The following LRRC4C variants were observed in gnomAD, a reference collection of about 807,000 sequenced individuals.
LRRC4C encodes the protein leucine rich repeat containing 4C, also known as leucine-rich repeat-containing protein 4C.
Under a neutral mutation model 33.6 loss-of-function variants are expected in LRRC4C, and 5 were observed. That is an observed-to-expected ratio of 0.15 (90% confidence interval 0.08 to 0.31). The LOEUF (loss-of-function observed/expected upper bound fraction) is 0.31, where lower values mean the gene tolerates loss of function less well. LRRC4C is among the 10% of genes least tolerant of loss of function. The pLI is 1.00. For missense variants in LRRC4C, 560 were observed against 796.7 expected (o/e 0.70, Z 3.58); for synonymous variants, 329 against 302.0 (o/e 1.09, Z -0.93).
chr11:41,111,746 G>A (rs1941842097), intron 1 of LRRC4C, among the ~76,000 whole-genome samples: 1 of 151,954 alleles, frequency 6.6e-6, no homozygotes, highest in African/African-American at 2.4e-5. Context: ...TAATTTAGAA[G>A]CACAAGTAAA....
At chr11:41,103,430 T>C (rs1382519790) in intron 1 of LRRC4C, among the ~76,000 whole-genome samples, 1 of 151,992 alleles carries the variant, frequency 6.6e-6, no homozygotes, top group African/African-American at 2.4e-5. Flanking sequence ...TATGGATTGA[T>C]ATTATAATAC....
At chr11:40,991,078 A>T (rs1853514512) in intron 1 of LRRC4C, among the ~76,000 whole-genome samples, 1 of 95,674 alleles carries the variant, frequency 1.0e-5, no homozygotes, top group East Asian at 3.9e-4. Flanking sequence ...TGAGTCTATT[A>T]CAAAAAAAAA....
rs148031090 is a variant in LRRC4C, at chr11:41,003,482, T to C, written c.-495-69759A>G. Among the ~76,000 whole-genome samples, 7 of 152,298 alleles carry C rather than the reference T, an allele frequency of 4.6e-5. No homozygotes were observed. In the East Asian group the frequency reaches 1.3e-3, roughly 29 times the overall value. On this transcript the variant is annotated intron_variant, in intron 1 of 6. Coordinates refer to ENST00000528697, the MANE Select transcript of LRRC4C (RefSeq NM_001258419.2). ...TTCACAGATACCTTGGGGAATACGG[T>C]ATGGAGGCTACAACAAGGTTATTTG...
chr11:40,962,356 A>G lies in LRRC4C; in HGVS notation c.-495-28633T>C, dbSNP rs184617351. Reference sequence around the variant, plus strand: ...CTTGGTTTCAGACTTCCGAGCTCCAAAACTGTAAGGCAGTAAATTGGTATT... The same window carrying G: ...CTTGGTTTCAGACTTCCGAGCTCCAGAACTGTAAGGCAGTAAATTGGTATT... On this transcript the variant is annotated intron_variant, in intron 1 of 6. Coordinates refer to ENST00000528697, the MANE Select transcript of LRRC4C (RefSeq NM_001258419.2). Among the ~76,000 whole-genome samples, 38 of 151,792 alleles carry G rather than the reference A, an allele frequency of 2.5e-4. No individual in the cohort carries two copies. In the East Asian group the frequency reaches 4.3e-3, roughly 17 times the overall value.
At chr11:41,318,943 C>A (rs183820703) in intron 1 of LRRC4C, among the ~76,000 whole-genome samples, 264 of 152,296 alleles carry the variant, frequency 1.7e-3, no homozygotes, top group African/African-American at 6.2e-3. Context: ...CTTCAGGGGA[C>A]CAAATTTTAA....
intron 2 of LRRC4C, among the ~76,000 whole-genome samples, chr11:40,813,486 C>T (rs1951578481): frequency 6.6e-6 from 1 of 152,062 alleles, no homozygotes; most frequent in African/African-American, 2.4e-5. Flanking sequence ...CCTGGCTCCA[C>T]CCTTGACATG....
At chr11:41,149,557 TG>T (rs1721390985) in intron 1 of LRRC4C, among the ~76,000 whole-genome samples, 1 of 151,344 alleles carries the variant, frequency 6.6e-6, no homozygotes, top group Admixed American at 6.6e-5. Flanking sequence ...GAAGTGATAT[TG>T]CTTCAGTATA....
chr11:40,360,332 T>C (rs560502148), intron 3 of LRRC4C, among the ~76,000 whole-genome samples: 1 of 152,144 alleles, frequency 6.6e-6, no homozygotes, highest in African/African-American at 2.4e-5. Context: ...CAAAGAGTGA[T>C]ACAGAGATCT....
intron 1 of LRRC4C, among the ~76,000 whole-genome samples, chr11:41,262,198 T>C (rs1397721552): frequency 6.6e-6 from 1 of 152,042 alleles, no homozygotes; most frequent in African/African-American, 2.4e-5. Context: ...CCAGATTTTG[T>C]TTGAAAAAAA....
At chr11:40,240,293 ATTCC>A (rs1243416164) in intron 5 of LRRC4C, among the ~76,000 whole-genome samples, 27 of 152,312 alleles carry the variant, frequency 1.8e-4, no homozygotes, top group African/African-American at 6.3e-4. Flanking sequence ...TCCTTATGGT[ATTCC>A]TGTGAATATC....
chr11:41,188,561 A>C (rs1033077854), intron 1 of LRRC4C, among the ~76,000 whole-genome samples: 7 of 152,106 alleles, frequency 4.6e-5, no homozygotes, highest in Non-Finnish European at 7.4e-5. Flanking sequence ...CAATAATAGC[A>C]ATCATTCATA....
intron 3 of LRRC4C, among the ~76,000 whole-genome samples, chr11:40,323,705 T>A (rs1181693686): frequency 6.6e-6 from 1 of 152,190 alleles, no homozygotes; most frequent in Non-Finnish European, 1.5e-5. Context: ...CATCAAATAT[T>A]TCTAGAGCAC....
At chr11:41,321,106 T>G (rs1043861540) in intron 1 of LRRC4C, among the ~76,000 whole-genome samples, 2 of 152,214 alleles carry the variant, frequency 1.3e-5, no homozygotes, top group African/African-American at 4.8e-5. Flanking sequence ...CTCCTAAAAT[T>G]AAACTAGGCC....
intron 2 of LRRC4C, among the ~76,000 whole-genome samples, chr11:40,841,462 T>G (rs1952909330): frequency 6.6e-6 from 1 of 152,184 alleles, no homozygotes; most frequent in South Asian, 2.1e-4. Context: ...AAAGGTGGTG[T>G]CCTGAACTGA....
intron 1 of LRRC4C, among the ~76,000 whole-genome samples, chr11:41,159,497 G>T (rs1002323141): frequency 2.6e-5 from 4 of 151,954 alleles, no homozygotes; most frequent in African/African-American, 9.7e-5. Flanking sequence ...AGGAGTATGA[G>T]AATTAGCTAA....
intron 5 of LRRC4C, among the ~76,000 whole-genome samples, chr11:40,233,134 C>T (rs1484492096): frequency 6.6e-6 from 1 of 152,128 alleles, no homozygotes; most frequent in African/African-American, 2.4e-5. Flanking sequence ...TTTAAATATA[C>T]TGTTGCATCG....
chr11:40,726,716 T>A (rs1018911638), intron 2 of LRRC4C, among the ~76,000 whole-genome samples: 2 of 151,924 alleles, frequency 1.3e-5, no homozygotes, highest in African/African-American at 4.8e-5. Flanking sequence ...ATGCCCACCC[T>A]CCATGCTCAT....
intron 1 of LRRC4C, among the ~76,000 whole-genome samples, chr11:41,325,703 AAAC>A (rs929880360): frequency 2.6e-5 from 4 of 151,908 alleles, no homozygotes; most frequent in African/African-American, 4.8e-5. Context: ...AACAACAACA[AAAC>A]AACAACAACA....
intron 2 of LRRC4C, among the ~76,000 whole-genome samples, chr11:40,790,476 C>T (rs548722540): frequency 6.6e-6 from 1 of 152,312 alleles, no homozygotes; most frequent in African/African-American, 2.4e-5. Flanking sequence ...AACTAAAGAG[C>T]TAATTTCTTC....
Sources: allele counts gnomAD v4.1 joint callset (sites outside exome capture counted in the v4.1 genomes callset), GRCh38; gene constraint gnomAD v4.1.1; transcripts MANE v1.5; gene names NCBI Gene and HGNC (gene_info 2026-07-23, HGNC 2026-07-21).